The following CACNA1C variants were observed in gnomAD, a reference collection of about 807,000 sequenced individuals.
CACNA1C encodes voltage-dependent L-type calcium channel subunit alpha-1C.
CACNA1C carries 30 observed loss-of-function variants against 229.0 expected under a neutral mutation model. The observed-to-expected ratio is 0.13, with a 90% confidence interval of 0.10 to 0.18. The LOEUF is 0.18. Among genes scored for constraint, CACNA1C ranks in the 10% least tolerant of loss-of-function variants. The pLI is 1.00. For synonymous variants in CACNA1C, 1,114 were observed against 1,132.5 expected (o/e 0.98, Z 0.33); for missense variants, 1,658 against 2,845.0 (o/e 0.58, Z 9.49).
chr12:2,612,320 C>A, intron 29 of CACNA1C: 1 of 317,514 alleles, frequency 3.1e-6, no homozygotes, highest in Non-Finnish European at 5.9e-6. Context: ...CTCCTATGTC[C>A]CATCCTCTAG....
chr12:2,364,151 C>T (rs1045974456), intron 3 of CACNA1C, among the ~76,000 whole-genome samples: 13 of 152,160 alleles, frequency 8.5e-5, no homozygotes, highest in African/African-American at 2.2e-4. Context: ...GAGGTGAGGC[C>T]GGAGTGAAGG....
At chr12:2,208,763 ATCC>A (rs539547440) in intron 3 of CACNA1C, among the ~76,000 whole-genome samples, 34 of 152,316 alleles carry the variant, frequency 2.2e-4, no homozygotes, top group African/African-American at 7.5e-4. Context: ...TAGGCTATCC[ATCC>A]TCTTTTGTCC....
At chr12:2,673,286 G>A (rs2096642531) in intron 38 of CACNA1C, among the ~76,000 whole-genome samples, 1 of 152,042 alleles carries the variant, frequency 6.6e-6, no homozygotes, top group Non-Finnish European at 1.5e-5. Context: ...GACCAACATG[G>A]AGAAACCCCA....
chr12:2,483,891 C>T (rs1597692957), intron 5 of CACNA1C, among the ~76,000 whole-genome samples: 1 of 152,336 alleles, frequency 6.6e-6, no homozygotes, highest in East Asian at 1.9e-4. Flanking sequence ...AGACACCTAT[C>T]TGGAAAGCAG....
chr12:2,191,441 G>A lies in CACNA1C; in HGVS notation c.477+71011G>A, dbSNP rs11614764. The stretch of plus-strand genomic sequence containing the variant: ...TGGCTCCAGGCTCACCGGGAGTCAC[G>A]TTCTCTGGCTGTGACTTTCCTTTTG... On this transcript the variant is annotated intron_variant, in intron 3 of 46. Transcript: ENST00000399655. 2.6e-5 allele frequency among the ~76,000 whole-genome samples: 4 copies of A among 151,988 alleles called. No homozygotes were observed. The South Asian group carries it at 6.2e-4, about 24-fold the overall frequency.
rs536599400 is a variant in CACNA1C, at chr12:2,267,540, T to A, written c.477+147110T>A. Among the ~76,000 whole-genome samples, 8 of 152,174 alleles carry A rather than the reference T, an allele frequency of 5.3e-5. No homozygotes were observed. In the South Asian group the frequency reaches 1.5e-3, roughly 28 times the overall value. On this transcript the variant is annotated intron_variant, in intron 3 of 46. Transcript: ENST00000399655. ...CCATGAAGATACATGGAATCCTATC[T>A]CTCATAACGGCCTCCAGCCATGCCC...
chr12:2,462,287 ACCCCC>A (rs2099513853), intron 5 of CACNA1C, among the ~76,000 whole-genome samples: 4 of 71,832 alleles, frequency 5.6e-5, no homozygotes, highest in South Asian at 4.6e-4. Context: ...CTTCCTCGGC[ACCCCC>A]TCGGCTCAGC....
At chr12:2,254,970 A>G (rs1225675510) in intron 3 of CACNA1C, among the ~76,000 whole-genome samples, 1 of 152,158 alleles carries the variant, frequency 6.6e-6, no homozygotes, top group African/African-American at 2.4e-5. Flanking sequence ...TTCCTTTCTG[A>G]AGAGCACATA....
In CACNA1C at chr12:2,665,787, G is replaced by A; in HGVS notation, c.4526+79G>A. 1.4e-6 allele frequency: 2 copies of A among 1,436,058 alleles called. No individual in the cohort carries two copies. Among genetic ancestry groups the A allele is most frequent in the South Asian group, 1.3e-5 (1 of 74,454 alleles). The allele number at this position is 1,436,058 out of a possible 1,614,324, so 89.0% of individuals were successfully genotyped here. ...ACCATACCTGCAGGAGGGGCTCAAG[G>A]TTGGCCAACACTGGGTGGATCAATT... On this transcript the variant is annotated intron_variant, in intron 36 of 46. Transcript: ENST00000399655. The surrounding 1 kb of genome is among the most constrained non-coding windows in gnomAD (Gnocchi z 5.9).
intron 1 of CACNA1C, among the ~76,000 whole-genome samples, chr12:2,069,269 TA>T (rs1296423353): frequency 1.3e-5 from 2 of 152,122 alleles, no homozygotes; most frequent in African/African-American, 4.8e-5. Flanking sequence ...AGGGTGAGGA[TA>T]AAATGGCAAT....
chr12:2,175,870 G>T (rs1361752174), intron 3 of CACNA1C, among the ~76,000 whole-genome samples: 3 of 152,170 alleles, frequency 2.0e-5, no homozygotes, highest in Non-Finnish European at 4.4e-5. Context: ...AAGGAGGATA[G>T]GTCTTTAATT....
At chr12:2,230,768 C>T (rs1456920050) in intron 3 of CACNA1C, among the ~76,000 whole-genome samples, 1 of 152,208 alleles carries the variant, frequency 6.6e-6, no homozygotes, top group East Asian at 1.9e-4. Context: ...CAGCAGCTAA[C>T]CCTTCTCCGG....
intron 1 of CACNA1C, among the ~76,000 whole-genome samples, chr12:2,109,689 A>G (rs2080857707): frequency 6.6e-6 from 1 of 152,150 alleles, no homozygotes; most frequent in Non-Finnish European, 1.5e-5. Context: ...TGCTGCATGG[A>G]GATTGGCTTG....
intron 3 of CACNA1C, among the ~76,000 whole-genome samples, chr12:2,206,381 G>A (rs538694051): frequency 5.9e-5 from 9 of 152,338 alleles, no homozygotes; most frequent in Admixed American, 2.0e-4. Flanking sequence ...CTTCGGATCC[G>A]AGAGGAGGCA....
upstream of CACNA1C, among the ~76,000 whole-genome samples, chr12:2,052,773 CG>C (rs1555073174): frequency 2.1e-5 from 3 of 145,174 alleles, no homozygotes; most frequent in Non-Finnish European, 4.6e-5. Flanking sequence ...CCGCGGGCGC[CG>C]GGAGGGGGCC....
At chr12:2,187,711 A>G (rs1443931192) in intron 3 of CACNA1C, among the ~76,000 whole-genome samples, 2 of 152,222 alleles carry the variant, frequency 1.3e-5, no homozygotes, top group Non-Finnish European at 2.9e-5. Context: ...TGGTCCCCAC[A>G]GGGGCGGCGA....
chr12:2,648,503 C>T lies in CACNA1C; in HGVS notation c.3941C>T (p.Ser1314Phe), dbSNP rs2094570050. 6.2e-7 allele frequency: 1 copy of T among 1,613,884 alleles called. No homozygotes were observed. The highest frequency in any genetic ancestry group is 8.5e-7 in the Non-Finnish European group (1 of 1,179,772). ...GCTGAACATACCCAATGCTCTCCCT[C>T]TATGGTAAGACCAACCCTCCCGACC... ...NPAEHTQCSPSMNAEENSRIS... is the reference protein window; with the variant it reads ...NPAEHTQCSPFMNAEENSRIS... Residue 1314 changes from serine (S) to phenylalanine (F), a missense_variant, in exon 31 of 47, where the codon TCT becomes TTT. This residue lies in a region of CACNA1C where 38 missense variants were observed against 53.3 expected (regional missense o/e 0.71). Coordinates refer to ENST00000399655, the MANE Select transcript of CACNA1C (RefSeq NM_000719.7).
Position 2,355,168 on chromosome 12 carries a change from C to T in CACNA1C, c.478-93808C>T, listed in dbSNP as rs188617491. ...CATAGAAAAGGGTTTTCCAACATTGCCAGGTCAGAGCTGATTAAGCTTTCA... is the reference window on the plus strand; with the variant it reads ...CATAGAAAAGGGTTTTCCAACATTGTCAGGTCAGAGCTGATTAAGCTTTCA... On this transcript the variant is annotated intron_variant, in intron 3 of 46. Transcript: ENST00000399655. Among the ~76,000 whole-genome samples, 307 of 152,304 alleles carry T rather than the reference C, an allele frequency of 2.0e-3. 2 individuals are homozygous for T. The highest frequency in any genetic ancestry group is 6.9e-3 in the African/African-American group (288 of 41,564).
chr12:2,398,024 G>C (rs1034603399), intron 3 of CACNA1C, among the ~76,000 whole-genome samples: 1 of 152,226 alleles, frequency 6.6e-6, no homozygotes, highest in African/African-American at 2.4e-5. Context: ...TCACTGGCCC[G>C]AGGGCAGGCC....
Sources: allele counts gnomAD v4.1 joint callset (sites outside exome capture counted in the v4.1 genomes callset), GRCh38; gene constraint gnomAD v4.1.1; regional missense constraint gnomAD v4.1.1; non-coding constraint Gnocchi (gnomAD v3.1); transcripts MANE v1.5; gene names NCBI Gene and HGNC (gene_info 2026-07-23, HGNC 2026-07-21).